Variants in CDH18 observed in about 807,000 individuals in gnomAD.
The protein encoded by CDH18 is cadherin-18.
Under a neutral mutation model 67.9 loss-of-function variants are expected in CDH18, and 31 were observed. That is an observed-to-expected ratio of 0.46 (90% CI 0.34 to 0.62). The LOEUF is 0.62. Among genes scored for constraint, CDH18 ranks in the 20% least tolerant of loss-of-function variants. The probability of loss-of-function intolerance (pLI) is 0.01; values close to 1 mark genes in which losing one functional copy is unlikely to be tolerated. For synonymous variants in CDH18, 362 were observed against 347.2 expected (o/e 1.04, Z -0.48); for missense variants, 890 against 975.5 (o/e 0.91, Z 1.17).
intron 2 of CDH18, among the ~76,000 whole-genome samples, chr5:20,210,572 G>A (rs1358898690): frequency 6.6e-6 from 1 of 151,824 alleles, no homozygotes; most frequent in African/African-American, 2.4e-5. Context: ...TAGTAGTTCT[G>A]AAATTATTTA....
intron 5 of CDH18, among the ~76,000 whole-genome samples, chr5:19,702,620 G>C (rs1185927919): frequency 2.0e-5 from 3 of 151,998 alleles, no homozygotes; most frequent in African/African-American, 7.2e-5. Context: ...ACAAAAATTA[G>C]CTGGGTCTGT....
chr5:20,071,077 A>T (rs149723306), intron 2 of CDH18, among the ~76,000 whole-genome samples: 1 of 152,302 alleles, frequency 6.6e-6, no homozygotes, highest in African/African-American at 2.4e-5. Context: ...TGAAACTGAG[A>T]TTTGAAATTA....
At chr5:20,046,158 A>C (rs1740873350) in intron 2 of CDH18, among the ~76,000 whole-genome samples, 1 of 152,038 alleles carries the variant, frequency 6.6e-6, no homozygotes, top group African/African-American at 2.4e-5. Flanking sequence ...CTGTGGCAAT[A>C]GTAAGAAAAG....
intron 3 of CDH18, among the ~76,000 whole-genome samples, chr5:19,795,449 G>A (rs1196731107): frequency 6.6e-6 from 1 of 152,072 alleles, no homozygotes; most frequent in Admixed American, 6.6e-5. Flanking sequence ...TGGTCTAAGG[G>A]AAACCCATTT....
chr5:20,438,771 GT>G (rs1203600447), intron 1 of CDH18, among the ~76,000 whole-genome samples: 3 of 151,298 alleles, frequency 2.0e-5, no homozygotes, highest in African/African-American at 7.3e-5. Context: ...ATTTCACTCT[GT>G]TTTCTATCCC....
chr5:20,035,049 T>C (rs1221506412), intron 2 of CDH18, among the ~76,000 whole-genome samples: 1 of 152,012 alleles, frequency 6.6e-6, no homozygotes, highest in Non-Finnish European at 1.5e-5. Context: ...AGCTGCTTTC[T>C]TTTTTTCTGT....
At chr5:19,907,763 T>G (rs2150129666) in intron 2 of CDH18, among the ~76,000 whole-genome samples, 1 of 152,208 alleles carries the variant, frequency 6.6e-6, no homozygotes, top group South Asian at 2.1e-4. Flanking sequence ...TATAAAATAT[T>G]ATCACATCAT....
chr5:19,526,356 C>T (rs1360751946), intron 9 of CDH18, among the ~76,000 whole-genome samples: 2 of 152,142 alleles, frequency 1.3e-5, no homozygotes. Flanking sequence ...AGAGTGCCCC[C>T]TCTAGAGATA....
At chr5:19,560,842 G>T (rs1739325413) in intron 8 of CDH18, among the ~76,000 whole-genome samples, 1 of 151,992 alleles carries the variant, frequency 6.6e-6, no homozygotes, top group Non-Finnish European at 1.5e-5. Context: ...CAAAAAGTGG[G>T]CTAAGGACAG....
At chr5:20,555,300 T>A (rs917179753) in intron 1 of CDH18, among the ~76,000 whole-genome samples, 1 of 151,910 alleles carries the variant, frequency 6.6e-6, no homozygotes, top group African/African-American at 2.4e-5. Flanking sequence ...CTTCCCAGCC[T>A]GCAGAACTAT....
At chr5:19,887,483 A>C (rs2150073633) in intron 2 of CDH18, among the ~76,000 whole-genome samples, 1 of 152,178 alleles carries the variant, frequency 6.6e-6, no homozygotes, top group Admixed American at 6.6e-5. Flanking sequence ...TAAGAAACAA[A>C]ATCATGATGT....
chr5:19,584,809 A>AG (rs1554052883), intron 7 of CDH18, among the ~76,000 whole-genome samples: 3 of 146,882 alleles, frequency 2.0e-5, no homozygotes, highest in South Asian at 2.2e-4. Context: ...AAAAAAAAAA[A>AG]AAAGAAAAAA....
chr5:20,262,806 A>T (rs1216870982), intron 1 of CDH18, among the ~76,000 whole-genome samples: 1 of 152,004 alleles, frequency 6.6e-6, no homozygotes, highest in Non-Finnish European at 1.5e-5. Context: ...TCAGTTAAGT[A>T]ATTAATTGAT....
At position 19,839,173 on chromosome 5, in the gene CDH18, G is replaced by A. The variant is rs1781999748; in HGVS notation, c.-187C>T. The A allele has an allele frequency of 1.6e-5, 9 of 548,216 alleles. No individual in the cohort carries two copies. The highest frequency in any genetic ancestry group is 2.6e-5 in the Non-Finnish European group (8 of 307,582). 34.0% of individuals were successfully genotyped at this position (548,216 alleles called of 1,614,324 possible). A position where few individuals can be genotyped will look rare whatever the true frequency, so the allele number is the denominator to read the frequency against. ...ATCATATTTACATTCTGAACCACTT[G>A]GAAAATCAAAGCCGTAGTTGTCTGA... On this transcript the variant is annotated 5_prime_UTR_variant, in exon 3 of 13. Transcript: ENST00000382275.
intron 1 of CDH18, among the ~76,000 whole-genome samples, chr5:20,392,089 T>C (rs1744913159): frequency 6.6e-6 from 1 of 151,954 alleles, no homozygotes; most frequent in Admixed American, 6.6e-5. Context: ...TTTGTCAAAG[T>C]ATTTTTAAAG....
intron 1 of CDH18, among the ~76,000 whole-genome samples, chr5:20,400,478 A>AAAATAAAT (rs527243013): frequency 5.3e-5 from 8 of 151,600 alleles, no homozygotes; most frequent in African/African-American, 1.7e-4. Context: ...GCTTCATCTC[A>AAAATAAAT]AAATAAATAA....
chr5:19,669,238 T>C (rs1236759432), intron 5 of CDH18, among the ~76,000 whole-genome samples: 1 of 146,474 alleles, frequency 6.8e-6, no homozygotes, highest in Non-Finnish European at 1.5e-5. Context: ...TTTAACTATA[T>C]GATATATATT....
chr5:20,345,542 C>T (rs946583327), intron 1 of CDH18, among the ~76,000 whole-genome samples: 2 of 152,000 alleles, frequency 1.3e-5, no homozygotes, highest in Non-Finnish European at 2.9e-5. Context: ...CAACCATATG[C>T]AACTTTCTTA....
At chr5:20,172,201 T>TATATATATAC (rs1580398901) in intron 2 of CDH18, among the ~76,000 whole-genome samples, 1 of 54,986 alleles carries the variant, frequency 1.8e-5, no homozygotes, top group South Asian at 6.2e-4. Context: ...TATATATATA[T>TATATATATAC]ATATATATAT....
Sources: gnomAD v4.1 joint callset for allele counts (sites outside exome capture counted in the v4.1 genomes callset) on GRCh38, gnomAD v4.1.1 for gene constraint, MANE v1.5 for transcripts, NCBI Gene and HGNC (gene_info 2026-07-23, HGNC 2026-07-21) for gene names.